The following SGCZ variants were observed in gnomAD, a reference collection of about 807,000 sequenced individuals.
SGCZ encodes zeta-sarcoglycan.
SGCZ carries 40 observed loss-of-function variants against 41.3 expected under a neutral mutation model. That is an observed-to-expected ratio of 0.97 (90% CI 0.75 to 1.26). SGCZ has a LOEUF of 1.26. Ranked by LOEUF, SGCZ falls within the 50% of genes most tolerant of loss-of-function variation. The probability of loss-of-function intolerance (pLI) is 0.00; values close to 1 mark genes in which losing one functional copy is unlikely to be tolerated. For missense variants in SGCZ, 552 were observed against 369.8 expected, an observed-to-expected ratio of 1.49 and a Z score of -4.04; for synonymous variants, 206 against 137.5, an observed-to-expected ratio of 1.50 and a Z score of -3.49.
chr8:14,737,509 T>C (rs891962589), intron 1 of SGCZ, among the ~76,000 whole-genome samples: 1 of 152,130 alleles, frequency 6.6e-6, no homozygotes, highest in South Asian at 2.1e-4. Context: ...TGTATTACCT[T>C]GTTAGGGCTG....
At chr8:15,210,566 C>T (rs1024079698) in intron 1 of SGCZ, among the ~76,000 whole-genome samples, 2 of 152,164 alleles carry the variant, frequency 1.3e-5, no homozygotes, top group African/African-American at 2.4e-5. Context: ...CTCCCAACAG[C>T]TGACTTTGTA....
At chr8:14,521,452 C>G (rs1012733720) in intron 2 of SGCZ, among the ~76,000 whole-genome samples, 3 of 152,000 alleles carry the variant, frequency 2.0e-5, no homozygotes, top group African/African-American at 7.2e-5. Context: ...TGCACTTGTA[C>G]CCCTGAACTT....
intron 1 of SGCZ, among the ~76,000 whole-genome samples, chr8:14,613,212 T>C (rs1209644079): frequency 3.9e-5 from 6 of 152,310 alleles, no homozygotes; most frequent in African/African-American, 1.4e-4. Flanking sequence ...ATAATTTTTA[T>C]AATGTTTTAA....
intron 2 of SGCZ, among the ~76,000 whole-genome samples, chr8:14,440,556 C>G (rs574406863): frequency 4.7e-4 from 71 of 152,046 alleles, no homozygotes; most frequent in African/African-American, 1.6e-3. Flanking sequence ...CTAGCTTCAT[C>G]TAATATCTCT....
At chr8:14,753,249 T>C (rs1158170679) in intron 1 of SGCZ, among the ~76,000 whole-genome samples, 1 of 152,210 alleles carries the variant, frequency 6.6e-6, no homozygotes. Flanking sequence ...TTTAGATTCA[T>C]AAATTTCTCT....
chr8:14,683,644 G>C (rs568668372), intron 1 of SGCZ, among the ~76,000 whole-genome samples: 5 of 152,108 alleles, frequency 3.3e-5, no homozygotes, highest in East Asian at 1.9e-4. Context: ...CTTCAACTTG[G>C]AAATTAATTT....
In SGCZ at chr8:14,780,386, A is replaced by G. The variant is rs528719072; in HGVS notation, c.40-225460T>C. ...TGAGACTCCATCTCAAAAAAAAAAAAAAAAGAAAAGAAAAGAAAACAAAAA... is the reference window on the plus strand; with the variant it reads ...TGAGACTCCATCTCAAAAAAAAAAAGAAAAGAAAAGAAAAGAAAACAAAAA... On this transcript the variant is annotated intron_variant, in intron 1 of 7. Transcript: ENST00000382080. Among the ~76,000 whole-genome samples the G allele has an allele frequency of 5.0e-3, 762 of 151,550 alleles. 3 individuals are homozygous for G. Among genetic ancestry groups the G allele is most frequent in the South Asian group, 0.014 (69 of 4,798 alleles).
intron 1 of SGCZ, among the ~76,000 whole-genome samples, chr8:15,202,554 C>G (rs1468370902): frequency 6.6e-6 from 1 of 152,090 alleles, no homozygotes; most frequent in African/African-American, 2.4e-5. Flanking sequence ...ACAATGTACA[C>G]TTCTTGGATG....
chr8:14,444,375 C>A (rs961298826), intron 2 of SGCZ, among the ~76,000 whole-genome samples: 4 of 152,076 alleles, frequency 2.6e-5, no homozygotes, highest in African/African-American at 7.2e-5. Context: ...ATGTTTATTG[C>A]GGCACTATTC....
At chr8:15,081,223 C>G (rs1805736066) in intron 1 of SGCZ, among the ~76,000 whole-genome samples, 1 of 152,080 alleles carries the variant, frequency 6.6e-6, no homozygotes, top group African/African-American at 2.4e-5. Context: ...TGTGTCTTCC[C>G]TGAAAATGAA....
In SGCZ at chr8:15,163,141, G is replaced by C. The variant is rs1319623271; in HGVS notation, c.39+74444C>G. ...TGGGATTCTGTACGTAACAGTTCTT[G>C]CTTGGGGTCATCTTTGCAAAGTCAT... is the stretch of plus-strand genomic sequence containing the variant. On this transcript the variant is annotated intron_variant, in intron 1 of 7. Coordinates refer to ENST00000382080, the MANE Select transcript of SGCZ (RefSeq NM_139167.4). 3.3e-5 allele frequency among the ~76,000 whole-genome samples: 5 copies of C among 152,270 alleles called. No individual in the cohort carries two copies. In the East Asian group the frequency reaches 9.6e-4, roughly 29 times the overall value.
At chr8:14,600,616 G>T (rs1805560318) in intron 1 of SGCZ, among the ~76,000 whole-genome samples, 1 of 152,054 alleles carries the variant, frequency 6.6e-6, no homozygotes, top group African/African-American at 2.4e-5. Context: ...CAGACAACAG[G>T]TGCTGCACCC....
At position 14,498,263 on chromosome 8, in the gene SGCZ, G is replaced by C. The variant is rs141693458; in HGVS notation, c.234+56469C>G. 2.3e-3 allele frequency among the ~76,000 whole-genome samples: 343 copies of C among 152,158 alleles called. 5 individuals are homozygous for C. The highest frequency in any genetic ancestry group is 7.7e-3 in the African/African-American group (321 of 41,530). On this transcript the variant is annotated intron_variant, in intron 2 of 7. Coordinates refer to ENST00000382080, the MANE Select transcript of SGCZ (RefSeq NM_139167.4). ...CCTTAAAATTTTTATAGTTCTTCTA[G>C]AGTTTAATTTATATTTTAAATGGAA...
At chr8:15,171,563 G>A (rs138278314) in intron 1 of SGCZ, among the ~76,000 whole-genome samples, 11 of 152,246 alleles carry the variant, frequency 7.2e-5, no homozygotes, top group African/African-American at 2.6e-4. Context: ...ATCCAACTGG[G>A]TATTATGTAG....
intron 1 of SGCZ, among the ~76,000 whole-genome samples, chr8:14,787,132 A>G (rs1311244261): frequency 1.3e-5 from 2 of 152,192 alleles, no homozygotes; most frequent in East Asian, 1.9e-4. Context: ...CACAGAAGCA[A>G]CAGAAAGATC....
At chr8:14,200,201 C>G (rs1275935104) in intron 4 of SGCZ, among the ~76,000 whole-genome samples, 2 of 152,072 alleles carry the variant, frequency 1.3e-5, no homozygotes, top group East Asian at 3.9e-4. Flanking sequence ...TACTAAAGAA[C>G]ACAACCAAAG....
At chr8:14,445,539 T>G (rs78003005) in intron 2 of SGCZ, among the ~76,000 whole-genome samples, 4,375 of 152,166 alleles carry the variant, frequency 0.029, 233 homozygotes, top group African/African-American at 0.1. Flanking sequence ...TTACCCCACC[T>G]GCCCCCTTCT....
At chr8:15,103,219 G>A (rs542024807) in intron 1 of SGCZ, among the ~76,000 whole-genome samples, 1 of 151,940 alleles carries the variant, frequency 6.6e-6, no homozygotes, top group Non-Finnish European at 1.5e-5. Flanking sequence ...TGGCCAACAC[G>A]GTGGAACCCC....
At chr8:14,922,553 C>G (rs182608562) in intron 1 of SGCZ, among the ~76,000 whole-genome samples, 322 of 152,208 alleles carry the variant, frequency 2.1e-3, no homozygotes, top group Non-Finnish European at 3.8e-3. Flanking sequence ...CTCCCGGGTT[C>G]AAGCTATTCT....
Sources: allele counts gnomAD v4.1 joint callset (sites outside exome capture counted in the v4.1 genomes callset), GRCh38; gene constraint gnomAD v4.1.1; transcripts MANE v1.5; gene names NCBI Gene and HGNC (gene_info 2026-07-23, HGNC 2026-07-21).